Variants in PRKCB observed in about 807,000 individuals in gnomAD.
The protein encoded by PRKCB is protein kinase C beta.
Under a neutral mutation model 81.5 loss-of-function variants are expected in PRKCB, and 13 were observed. That is an observed-to-expected ratio of 0.16 (90% CI 0.10 to 0.25). PRKCB has a LOEUF of 0.25. Ranked by LOEUF, PRKCB falls within the 10% of genes least tolerant of loss-of-function variation. PRKCB has a pLI of 1.00. For synonymous variants in PRKCB, 335 were observed against 321.4 expected (o/e 1.04, Z -0.45); for missense variants, 509 against 875.7 (o/e 0.58, Z 5.29).
In PRKCB at chr16:24,032,693, G is replaced by A. The variant is rs1033869546; in HGVS notation, c.400+446G>A. On this transcript the variant is annotated intron_variant, in intron 4 of 16. Transcript: ENST00000643927. ...GGCTACCTAGCCTCCGTGCATGCAC[G>A]GAGGTCACAGGGTCCTGAGTTTCTT... 3.3e-5 allele frequency among the ~76,000 whole-genome samples: 5 copies of A among 152,144 alleles called. No homozygotes were observed. In the South Asian group the frequency reaches 6.2e-4, roughly 19 times the overall value.
At chr16:24,123,263 C>T (rs774490909) in intron 8 of PRKCB, among the ~76,000 whole-genome samples, 43 of 152,270 alleles carry the variant, frequency 2.8e-4, no homozygotes, top group Non-Finnish European at 8.8e-5. Flanking sequence ...GCAGCAGGTG[C>T]AAAGGCCCTG....
chr16:24,006,990 A>G (rs1965132503), intron 3 of PRKCB, among the ~76,000 whole-genome samples: 2 of 152,216 alleles, frequency 1.3e-5, no homozygotes, highest in Admixed American at 1.3e-4. Context: ...CCATGTGTTA[A>G]AAAGTTCTTG....
At chr16:24,040,340 A>G (rs1185675389) in intron 5 of PRKCB, among the ~76,000 whole-genome samples, 1 of 152,116 alleles carries the variant, frequency 6.6e-6, no homozygotes, top group African/African-American at 2.4e-5. Flanking sequence ...ACCATAAGAC[A>G]TCTGTGCGTT....
intron 2 of PRKCB, among the ~76,000 whole-genome samples, chr16:23,905,083 A>T (rs1963539368): frequency 7.5e-6 from 1 of 133,790 alleles, no homozygotes; most frequent in Non-Finnish European, 1.5e-5. Flanking sequence ...CACAGCTCGG[A>T]GTCTTGCTTG....
At chr16:24,110,700 T>G (rs1040640543) in intron 7 of PRKCB, among the ~76,000 whole-genome samples, 9 of 151,740 alleles carry the variant, frequency 5.9e-5, no homozygotes, top group African/African-American at 2.2e-4. Context: ...TTAATTTTTT[T>G]GTAGAGACAG....
At chr16:24,058,779 G>A (rs1320074557) in intron 5 of PRKCB, among the ~76,000 whole-genome samples, 1 of 152,176 alleles carries the variant, frequency 6.6e-6, no homozygotes, top group Non-Finnish European at 1.5e-5. Context: ...TAGGGATTTG[G>A]TGAGCCATTG....
intron 10 of PRKCB, among the ~76,000 whole-genome samples, chr16:24,161,028 C>T (rs73550962): frequency 0.015 from 2,269 of 151,848 alleles, 48 homozygotes; most frequent in African/African-American, 0.052. Context: ...AAAAAAGAGA[C>T]AAATCCAATA....
intron 3 of PRKCB, among the ~76,000 whole-genome samples, chr16:24,000,217 C>G (rs2141829790): frequency 6.6e-6 from 1 of 152,300 alleles, no homozygotes; most frequent in Middle Eastern, 3.4e-3. Context: ...CATAGCAGAA[C>G]AGAACCCCTG....
At chr16:23,865,700 G>A (rs955242565) in intron 2 of PRKCB, among the ~76,000 whole-genome samples, 6 of 151,062 alleles carry the variant, frequency 4.0e-5, no homozygotes, top group Non-Finnish European at 7.4e-5. Flanking sequence ...CTCTTCTTGG[G>A]CTGGTCGCTG....
At chr16:23,980,399 A>G (rs1016964836) in intron 2 of PRKCB, among the ~76,000 whole-genome samples, 2 of 152,186 alleles carry the variant, frequency 1.3e-5, no homozygotes, top group African/African-American at 4.8e-5. Context: ...GCTGTAGAGC[A>G]AAATCTGCAT....
rs114526617 is a variant in PRKCB, at chr16:24,119,930, G to A, written c.919-3905G>A. On this transcript the variant is annotated intron_variant, in intron 8 of 16. Coordinates refer to ENST00000643927, the MANE Select transcript of PRKCB (RefSeq NM_002738.7). The stretch of plus-strand genomic sequence containing the variant: ...ACTGACCAAGTATATTCACAGCAGC[G>A]TTGTTAGTAGGCCGAAAGGGGAAAC... Among the ~76,000 whole-genome samples, 579 of 152,242 alleles carry A rather than the reference G, an allele frequency of 3.8e-3. 2 individuals carry two copies. The highest frequency in any genetic ancestry group is 0.013 in the African/African-American group (556 of 41,520).
intron 3 of PRKCB, among the ~76,000 whole-genome samples, chr16:24,022,222 G>A (rs937710456): frequency 3.3e-5 from 5 of 152,122 alleles, no homozygotes; most frequent in Admixed American, 2.6e-4. Context: ...TTCACATGGG[G>A]TTGGATTCCA....
intron 3 of PRKCB, among the ~76,000 whole-genome samples, chr16:24,030,178 G>C (rs978390316): frequency 6.6e-6 from 1 of 152,156 alleles, no homozygotes; most frequent in Non-Finnish European, 1.5e-5. Context: ...GGTTATAGGC[G>C]TGAGACACTG....
intron 3 of PRKCB, among the ~76,000 whole-genome samples, chr16:24,008,044 A>G (rs75828326): frequency 0.021 from 3,133 of 152,184 alleles, 122 homozygotes; most frequent in African/African-American, 0.072. Flanking sequence ...TATAGATATA[A>G]TTCTGTCCTA....
chr16:24,100,188 A>G (rs967757866), intron 7 of PRKCB, among the ~76,000 whole-genome samples: 6 of 152,154 alleles, frequency 3.9e-5, no homozygotes, highest in Admixed American at 3.3e-4. Flanking sequence ...GAAAGGAGGC[A>G]TAACAAGACG....
chr16:24,162,923 A>G (rs1260687299), intron 10 of PRKCB, among the ~76,000 whole-genome samples: 1 of 151,698 alleles, frequency 6.6e-6, no homozygotes, highest in Non-Finnish European at 1.5e-5. Flanking sequence ...CCTGGGCCTC[A>G]TGAGGAGCTA....
intron 8 of PRKCB, among the ~76,000 whole-genome samples, chr16:24,119,463 A>T (rs1966773295): frequency 6.6e-6 from 1 of 152,102 alleles, no homozygotes; most frequent in African/African-American, 2.4e-5. Context: ...GGTGGATGGG[A>T]AAGTTCCCAG....
chr16:23,965,743 G>T (rs1293049979), intron 2 of PRKCB, among the ~76,000 whole-genome samples: 2 of 152,064 alleles, frequency 1.3e-5, no homozygotes, highest in Non-Finnish European at 2.9e-5. Context: ...GCCTTCTCCG[G>T]GAGCTGCCAA....
At chr16:24,201,076 C>T (rs1230014449) in intron 16 of PRKCB, among the ~76,000 whole-genome samples, 2 of 152,076 alleles carry the variant, frequency 1.3e-5, no homozygotes, top group Admixed American at 1.3e-4. Flanking sequence ...TCTTGACCTC[C>T]TTGCCCAGCT....
Sources: allele counts gnomAD v4.1 joint callset (sites outside exome capture counted in the v4.1 genomes callset), GRCh38; gene constraint gnomAD v4.1.1; transcripts MANE v1.5; gene names NCBI Gene and HGNC (gene_info 2026-07-23, HGNC 2026-07-21).